The following RPS6KA5 variants were observed in gnomAD, a reference collection of about 807,000 sequenced individuals.
The protein encoded by RPS6KA5 is ribosomal protein S6 kinase alpha-5.
A neutral mutation model predicts 85.5 loss-of-function variants in RPS6KA5; 27 were observed. The observed-to-expected ratio is 0.32, with a 90% confidence interval of 0.23 to 0.44. The LOEUF (loss-of-function observed/expected upper bound fraction) is 0.44. Ranked by LOEUF, RPS6KA5 falls within the 20% of genes least tolerant of loss-of-function variation. The pLI, the probability that RPS6KA5 is intolerant of heterozygous loss-of-function variation, is 1.00. For missense variants in RPS6KA5, 811 were observed against 980.9 expected (o/e 0.83, Z 2.31); for synonymous variants, 334 against 348.2 (o/e 0.96, Z 0.46).
rs1047075936 is a variant in RPS6KA5 at position 90,946,630 on chromosome 14, C to G, written c.510+805G>C. On this transcript the variant is annotated intron_variant, in intron 4 of 16. Coordinates refer to ENST00000614987, the MANE Select transcript of RPS6KA5 (RefSeq NM_004755.4). The stretch of plus-strand genomic sequence containing the variant: ...TCTCTATCTTAAACTAGTGTAGGAC[C>G]TGAATATAACAGGACAAGGAAGGGT... Among the ~76,000 whole-genome samples the G allele has an allele frequency of 1.1e-4, 17 of 151,998 alleles. 1 individual carries two copies. Among genetic ancestry groups the G allele is most frequent in the African/African-American group, 2.2e-4 (9 of 41,368 alleles).
intron 1 of RPS6KA5, among the ~76,000 whole-genome samples, chr14:91,036,373 T>C (rs1026801063): frequency 1.3e-5 from 2 of 152,252 alleles, no homozygotes; most frequent in Admixed American, 1.3e-4. Context: ...TACCATTTAC[T>C]AAAGCTGTGC....
intron 13 of RPS6KA5, chr14:90,894,194 C>A (rs1050726984): frequency 7.5e-6 from 9 of 1,194,120 alleles, no homozygotes; most frequent in Non-Finnish European, 9.3e-6. Flanking sequence ...ACAAATATAA[C>A]CTCAAGATGA....
chr14:91,018,958 G>A (rs2041620342), intron 1 of RPS6KA5, among the ~76,000 whole-genome samples: 2 of 151,676 alleles, frequency 1.3e-5, no homozygotes, highest in Non-Finnish European at 2.9e-5. Context: ...GTATTAACTA[G>A]ATATCATAGC....
At position 91,017,589 on chromosome 14, in the gene RPS6KA5, C is replaced by T. The variant is rs143557507; in HGVS notation, c.104-16430G>A. ...TTCCTTGCAGGGCTGGGGCAAGGTT[C>T]TCCAAGAAGCTGTACATGCTCTGAA... On this transcript the variant is annotated intron_variant, in intron 1 of 16. Transcript: ENST00000614987. Among the ~76,000 whole-genome samples the T allele has an allele frequency of 1.1e-4, 17 of 152,290 alleles. No individual in the cohort carries two copies. In the East Asian group the frequency reaches 3.3e-3, roughly 29 times the overall value.
chr14:90,895,432 G>A (rs1206706001), intron 12 of RPS6KA5, among the ~76,000 whole-genome samples: 2 of 152,084 alleles, frequency 1.3e-5, no homozygotes, highest in Non-Finnish European at 2.9e-5. Flanking sequence ...TAGTTTCAGG[G>A]TTCCTGTTAA....
intron 3 of RPS6KA5, among the ~76,000 whole-genome samples, chr14:90,968,406 A>C (rs1000237820): frequency 5.3e-5 from 8 of 152,116 alleles, no homozygotes; most frequent in African/African-American, 1.7e-4. Flanking sequence ...TAGTGGTCTT[A>C]ATTTCATCTG....
At chr14:90,935,433 A>G (rs955291352) in intron 5 of RPS6KA5, among the ~76,000 whole-genome samples, 5 of 152,224 alleles carry the variant, frequency 3.3e-5, no homozygotes, top group Non-Finnish European at 7.3e-5. Context: ...TTTCACAAGC[A>G]TTAATTCATT....
At chr14:90,872,589 T>C (rs1257884023) in intron 16 of RPS6KA5, among the ~76,000 whole-genome samples, 1 of 152,186 alleles carries the variant, frequency 6.6e-6, no homozygotes, top group Non-Finnish European at 1.5e-5. Flanking sequence ...AAGAAGTTAG[T>C]ACTACATCCT....
intron 12 of RPS6KA5, among the ~76,000 whole-genome samples, chr14:90,898,337 C>A (rs957882093): frequency 6.6e-6 from 1 of 152,144 alleles, no homozygotes; most frequent in Non-Finnish European, 1.5e-5. Context: ...ATGGCAGCAG[C>A]TATTATGGTT....
In RPS6KA5 at chr14:90,964,929, A is replaced by AAC. The variant is rs1555369408; in HGVS notation, c.394+13376_394+13377insGT. The stretch of plus-strand genomic sequence containing the variant: ...GACCCTGTCTCAAAAAAAAAAAAAA[A>AAC]AAAAAACCAAAAAACCAAAACAAAC... On this transcript the variant is annotated intron_variant, in intron 3 of 16. Coordinates refer to ENST00000614987, the MANE Select transcript of RPS6KA5 (RefSeq NM_004755.4). Among the ~76,000 whole-genome samples, 7 of 148,562 alleles carry AAC rather than the reference A, an allele frequency of 4.7e-5. 1 individual carries two copies. Among genetic ancestry groups the AAC allele is most frequent in the African/African-American group, 1.7e-4 (7 of 40,576 alleles).
At chr14:90,997,831 T>C (rs558280956) in intron 2 of RPS6KA5, among the ~76,000 whole-genome samples, 2 of 151,770 alleles carry the variant, frequency 1.3e-5, no homozygotes, top group African/African-American at 4.8e-5. Flanking sequence ...GCCAACATAG[T>C]GAAACCCCGT....
rs576431892 is a variant in RPS6KA5, at chr14:91,036,060, A to T, written c.103+24272T>A. Among the ~76,000 whole-genome samples the T allele has an allele frequency of 6.6e-5, 10 of 151,772 alleles. No homozygotes were observed. The East Asian group carries it at 1.9e-3, about 29-fold the overall frequency. ...ATGAGTTGACAGGACTCAAAAAAGAAACAGAAAAGAGTACACAGACATTTT... is the reference window on the plus strand; with the variant it reads ...ATGAGTTGACAGGACTCAAAAAAGATACAGAAAAGAGTACACAGACATTTT... On this transcript the variant is annotated intron_variant, in intron 1 of 16. Coordinates refer to ENST00000614987, the MANE Select transcript of RPS6KA5 (RefSeq NM_004755.4).
intron 3 of RPS6KA5, among the ~76,000 whole-genome samples, chr14:90,974,941 T>A (rs964263410): frequency 1.3e-5 from 2 of 152,156 alleles, no homozygotes; most frequent in Non-Finnish European, 2.9e-5. Flanking sequence ...CTGGGAAAGG[T>A]AGATATCATT....
intron 1 of RPS6KA5, among the ~76,000 whole-genome samples, chr14:91,050,059 T>C (rs906925378): frequency 1.3e-5 from 2 of 152,224 alleles, no homozygotes; most frequent in African/African-American, 4.8e-5. Context: ...AGAGCTGCAC[T>C]GTACTCATAC....
At chr14:91,052,880 A>T (rs1482219835) in intron 1 of RPS6KA5, among the ~76,000 whole-genome samples, 1 of 151,974 alleles carries the variant, frequency 6.6e-6, no homozygotes, top group East Asian at 1.9e-4. Context: ...ACAGAACTCA[A>T]TCAAGAATAT....
rs1242504219 is a variant in RPS6KA5 at position 91,053,391 on chromosome 14, T to C, written c.103+6941A>G. Among the ~76,000 whole-genome samples the C allele has an allele frequency of 3.3e-5, 5 of 152,198 alleles. No homozygotes were observed. The South Asian group carries it at 8.3e-4, about 25-fold the overall frequency. The stretch of plus-strand genomic sequence containing the variant: ...GCAGGAAATTGAAACAAAAGATATC[T>C]GGATTGGAAAGAAAGAAGTAAAATT... On this transcript the variant is annotated intron_variant, in intron 1 of 16. Coordinates refer to ENST00000614987, the MANE Select transcript of RPS6KA5 (RefSeq NM_004755.4).
intron 5 of RPS6KA5, among the ~76,000 whole-genome samples, chr14:90,927,400 G>C (rs1020371978): frequency 2.6e-5 from 4 of 151,966 alleles, no homozygotes; most frequent in Non-Finnish European, 5.9e-5. Flanking sequence ...TAACTCACCA[G>C]TTAAAAGACA....
At chr14:90,964,759 A>C (rs1286048760) in intron 3 of RPS6KA5, among the ~76,000 whole-genome samples, 1 of 151,798 alleles carries the variant, frequency 6.6e-6, no homozygotes, top group Admixed American at 6.6e-5. Flanking sequence ...GCAAAATACA[A>C]AAAAATTTAG....
intron 2 of RPS6KA5, among the ~76,000 whole-genome samples, chr14:90,992,360 A>G: frequency 6.6e-6 from 1 of 152,226 alleles, no homozygotes; most frequent in East Asian, 1.9e-4. Flanking sequence ...GTGCACACAC[A>G]CAAAATGGAA....
Sources: allele counts gnomAD v4.1 joint callset (sites outside exome capture counted in the v4.1 genomes callset), GRCh38; gene constraint gnomAD v4.1.1; transcripts MANE v1.5; gene names NCBI Gene and HGNC (gene_info 2026-07-23, HGNC 2026-07-21).